Variants in OTOG observed in about 807,000 individuals in gnomAD.
OTOG encodes otogelin.
In OTOG, 296 loss-of-function variants were observed where a neutral mutation model predicts 313.8. The observed-to-expected ratio is 0.94, with a 90% CI of 0.86 to 1.04. OTOG has a LOEUF of 1.04. OTOG is among the 50% of genes least tolerant of loss of function. The probability of loss-of-function intolerance (pLI) is 0.00; values close to 1 mark genes in which losing one functional copy is unlikely to be tolerated. For synonymous variants in OTOG, 1,533 were observed against 1,554.9 expected (o/e 0.99, Z 0.33); for missense variants, 3,948 against 3,840.1 (o/e 1.03, Z -0.74).
At chr11:17,635,822 T>G in intron 47 of OTOG, 111 bp downstream of exon 47, 1 of 888,166 alleles carries the variant, frequency 1.1e-6, no homozygotes, top group Non-Finnish European at 1.8e-6. Flanking sequence ...CCCCAGGTGG[T>G]GAGCTCTGGA....
intron 31 of OTOG, among the ~76,000 whole-genome samples, chr11:17,601,675 A>G (rs918732751): frequency 6.6e-6 from 1 of 152,026 alleles, no homozygotes; most frequent in African/African-American, 2.4e-5. Flanking sequence ...AGGCAGGAAG[A>G]TCCTTACAAG....
intron 47 of OTOG, among the ~76,000 whole-genome samples, chr11:17,635,931 C>T (rs1003891378): frequency 1.3e-5 from 2 of 152,152 alleles, no homozygotes; most frequent in Non-Finnish European, 2.9e-5. Context: ...CTGTCCCCTC[C>T]ATGGAGGCCC....
Position 17,582,202 on chromosome 11 carries a change from A to G in OTOG, c.2759+3676A>G, listed in dbSNP as rs143811078. Among the ~76,000 whole-genome samples the G allele has an allele frequency of 8.8e-3, 1,347 of 152,290 alleles. 12 individuals carry two copies. The highest frequency in any genetic ancestry group is 0.014 in the Non-Finnish European group (965 of 68,026). On this transcript the variant is annotated intron_variant, in intron 23 of 55. Coordinates refer to ENST00000399397, the MANE Select transcript of OTOG (RefSeq NM_001292063.2). Reference sequence around the variant, plus strand: ...GTTTCCCTCATACTCCGTTGTAGTCAATCCTACCCCTGTGAGTGCTAGGCA... The same window carrying G: ...GTTTCCCTCATACTCCGTTGTAGTCGATCCTACCCCTGTGAGTGCTAGGCA...
chr11:17,555,968 G>A (rs893581654), intron 7 of OTOG, 71 bp downstream of exon 7: 26 of 1,205,444 alleles, frequency 2.2e-5, no homozygotes, highest in Admixed American at 1.6e-4. Flanking sequence ...GTGAGCATCC[G>A]CTCTTCTCAA....
At chr11:17,601,763 C>T (rs1039736624) in intron 31 of OTOG, among the ~76,000 whole-genome samples, 1 of 152,172 alleles carries the variant, frequency 6.6e-6, no homozygotes, top group Non-Finnish European at 1.5e-5. Flanking sequence ...AACAGTGACA[C>T]GTGTTTGAAA....
At chr11:17,549,936 C>T (rs185629006) in intron 3 of OTOG, among the ~76,000 whole-genome samples, 157 of 152,252 alleles carry the variant, frequency 1.0e-3, no homozygotes, top group Middle Eastern at 3.4e-3. Flanking sequence ...TGGGGGTGTG[C>T]CCCAGACCAG....
Position 17,602,236 on chromosome 11 carries a change from T to C in OTOG, c.3736T>C (p.Ser1246Pro), listed in dbSNP as rs1853272815. The C allele has an allele frequency of 6.4e-7, 1 of 1,550,528 alleles. No individual in the cohort carries two copies. The highest frequency in any genetic ancestry group is 2.4e-5 in the East Asian group (1 of 40,924). The change falls in exon 32 of 56, where the codon TCC (serine) becomes CCC (proline). Residue 1246 changes from serine to proline, a missense_variant. Ser to Pro is a moderately conservative substitution (Grantham distance 74). Coordinates refer to ENST00000399397, the MANE Select transcript of OTOG (RefSeq NM_001292063.2). The stretch of plus-strand genomic sequence containing the variant: ...GCTAGGTAAGGGCCCCTATCAGCTA[T>C]CCAGCTTGGCAGCCGGTGGTGCTCT... ...KVLGKGPYQLSSLAAGGALVG... is the reference protein window; with the variant it reads ...KVLGKGPYQLPSLAAGGALVG...
In OTOG at chr11:17,594,183, AGGCT is replaced by A; in HGVS notation, c.3408+22_3408+25del. ...GCAGTTGAGGTAAAGCCTCTCTTCC[AGGCT>A]GGCTTATGCCCCTCACTCAGATGGG... is the stretch of plus-strand genomic sequence containing the variant. On this transcript the variant is annotated intron_variant, in intron 28 of 55. Coordinates refer to ENST00000399397, the MANE Select transcript of OTOG (RefSeq NM_001292063.2). 1 of 1,550,606 alleles carries A rather than the reference AGGCT, an allele frequency of 6.4e-7. No individual in the cohort carries two copies. Among genetic ancestry groups the A allele is most frequent in the South Asian group, 1.2e-5 (1 of 84,066 alleles).
At chr11:17,640,327 C>G (rs1040871697) in intron 49 of OTOG, among the ~76,000 whole-genome samples, 1 of 152,180 alleles carries the variant, frequency 6.6e-6, no homozygotes, top group Non-Finnish European at 1.5e-5. Flanking sequence ...CTCTTAGCCA[C>G]CAGGCTGCAT....
chr11:17,641,594 G>A (rs972975488), intron 51 of OTOG, among the ~76,000 whole-genome samples: 2 of 151,908 alleles, frequency 1.3e-5, no homozygotes, highest in Non-Finnish European at 2.9e-5. Flanking sequence ...AGGTCTGTCT[G>A]GAATAAAAAC....
chr11:17,635,374 C>G (rs1264979014), intron 46 of OTOG, among the ~76,000 whole-genome samples, 187 bp downstream of exon 46: 2 of 152,146 alleles, frequency 1.3e-5, no homozygotes, highest in East Asian at 3.9e-4. Flanking sequence ...CGTGTTCCCC[C>G]TAGATTACTA....
At chr11:17,630,605 A>C (rs976880893) in intron 40 of OTOG, among the ~76,000 whole-genome samples, 10 of 152,212 alleles carry the variant, frequency 6.6e-5, no homozygotes, top group African/African-American at 2.4e-4. Context: ...GGGAGTGCTG[A>C]GATAATTGAG....
chr11:17,603,587 G>T (rs928357827), intron 32 of OTOG, among the ~76,000 whole-genome samples: 1 of 152,136 alleles, frequency 6.6e-6, no homozygotes, highest in African/African-American at 2.4e-5. Context: ...CATGGGCCCA[G>T]TGGGGACCCA....
Position 17,574,796 on chromosome 11 carries a change from C to T in OTOG, c.2370C>T (p.Ser790=), listed in dbSNP as rs1437783204. 3 of 1,550,648 alleles carry T rather than the reference C, an allele frequency of 1.9e-6. No individual in the cohort carries two copies. The highest frequency in any genetic ancestry group is 2.4e-5 in the East Asian group (1 of 40,910). ...GACGTACCTGCCAGGACCTGGCCAG[C>T]CCTGAGGCCTGTGGGGTTGATGGTG... ...PCGRTCQDLA[S]PEACGVDGGD... The change falls in exon 20 of 56, where the codon AGC becomes AGT. Residue 790 remains serine (S), a synonymous_variant. Transcript: ENST00000399397.
At chr11:17,561,159 C>T (rs1367420100) in intron 14 of OTOG, 22 bp downstream of exon 14, 1 of 1,550,398 alleles carries the variant, frequency 6.4e-7, no homozygotes, top group East Asian at 2.4e-5. Flanking sequence ...CCCCACCTTG[C>T]ACTAGGATCC....
At chr11:17,600,664 C>G (rs1402191949) in intron 31 of OTOG, among the ~76,000 whole-genome samples, 2 of 152,212 alleles carry the variant, frequency 1.3e-5, no homozygotes, top group African/African-American at 4.8e-5. Context: ...GGGCTCTTGA[C>G]AGCCCCAGAC....
intron 17 of OTOG, 131 bp from the exon 18 acceptor site, chr11:17,571,949 G>A: frequency 3.3e-6 from 4 of 1,226,168 alleles, no homozygotes; most frequent in Non-Finnish European, 4.6e-6. Flanking sequence ...CTCTGAGTGT[G>A]TGTATATGGA....
At chr11:17,631,967 G>C in intron 41 of OTOG, 45 bp downstream of exon 41, 16 of 1,543,800 alleles carry the variant, frequency 1.0e-5, no homozygotes, top group Non-Finnish European at 1.4e-5. Context: ...TCCTGGGCTG[G>C]CTGGGGATGG....
intron 48 of OTOG, 115 bp downstream of exon 48, chr11:17,638,664 G>A: frequency 6.7e-7 from 1 of 1,485,702 alleles, no homozygotes; most frequent in Non-Finnish European, 9.2e-7. Context: ...TCCCCTGCAG[G>A]GTCTCTAGAG....
Sources: gnomAD v4.1 joint callset for allele counts (sites outside exome capture counted in the v4.1 genomes callset) on GRCh38, gnomAD v4.1.1 for gene constraint, MANE v1.5 for transcripts, NCBI Gene and HGNC (gene_info 2026-07-23, HGNC 2026-07-21) for gene names.